TCF12: variants seen among roughly 807,000 people sequenced by gnomAD.
TCF12 encodes DNA-binding protein HTF4.
Under a neutral mutation model 86.0 loss-of-function variants are expected in TCF12, and 45 were observed. That is an observed-to-expected ratio of 0.52 (90% CI 0.41 to 0.67). TCF12 has a LOEUF of 0.67. Ranked by LOEUF, TCF12 falls within the 30% of genes least tolerant of loss-of-function variation. The pLI, the probability that TCF12 is intolerant of heterozygous loss-of-function variation, is 0.00. For missense variants in TCF12, 881 were observed against 859.9 expected (o/e 1.02, Z -0.31); for synonymous variants, 330 against 299.6 (o/e 1.10, Z -1.05).
chr15:57,219,754 C>G (rs1190625884), intron 8 of TCF12, among the ~76,000 whole-genome samples: 2 of 129,588 alleles, frequency 1.5e-5, no homozygotes, highest in African/African-American at 2.8e-5. Flanking sequence ...GGGACGGAGT[C>G]TTGCCCTGTC....
At chr15:57,180,144 T>C (rs2056234764) in intron 6 of TCF12, among the ~76,000 whole-genome samples, 1 of 152,226 alleles carries the variant, frequency 6.6e-6, no homozygotes, top group African/African-American at 2.4e-5. Context: ...TGAAATGTGT[T>C]AGTTTTTTTA....
chr15:56,965,774 A>G (rs540906633), intron 3 of TCF12, among the ~76,000 whole-genome samples: 1 of 152,248 alleles, frequency 6.6e-6, no homozygotes, highest in Admixed American at 6.5e-5. Context: ...TTATTCTCTT[A>G]TTGCAAGTCG....
At chr15:57,205,342 C>T (rs2057759554) in intron 8 of TCF12, among the ~76,000 whole-genome samples, 1 of 152,128 alleles carries the variant, frequency 6.6e-6, no homozygotes, top group African/African-American at 2.4e-5. Context: ...ATCCAAGGCC[C>T]TTAAGACTAG....
At chr15:57,041,970 C>T (rs1430470898) in intron 3 of TCF12, among the ~76,000 whole-genome samples, 1 of 152,090 alleles carries the variant, frequency 6.6e-6, no homozygotes, top group Non-Finnish European at 1.5e-5. Context: ...TTTCCCTAAG[C>T]CTTGGATTGG....
intron 18 of TCF12, 25 bp from the exon 19 acceptor site, chr15:57,273,005 A>G (rs1361921133): frequency 6.2e-7 from 1 of 1,604,480 alleles, no homozygotes; most frequent in African/African-American, 1.3e-5. Context: ...AACCTAATAG[A>G]CCTTGTTGTT....
chr15:57,170,732 TATATA>T (rs1412545524), intron 6 of TCF12, among the ~76,000 whole-genome samples: 17,298 of 27,848 alleles, frequency 0.62, 4,192 homozygotes, highest in Non-Finnish European at 0.65. Context: ...TTATATATTA[TATATA>T]ATATATATTA....
At chr15:57,003,830 A>G (rs2064189843) in intron 3 of TCF12, among the ~76,000 whole-genome samples, 1 of 152,220 alleles carries the variant, frequency 6.6e-6, no homozygotes, top group Non-Finnish European at 1.5e-5. Context: ...GAAGGAAGCT[A>G]GTGTTCTTAT....
chr15:57,111,586 CTTTTTTTTTTT>C (rs1166862090), intron 5 of TCF12, among the ~76,000 whole-genome samples: 1 of 115,470 alleles, frequency 8.7e-6, no homozygotes. Context: ...GTTTGTTTAT[CTTTTTTTTTTT>C]TTTTTTTTTT....
chr15:57,068,322 A>G (rs779162480), intron 4 of TCF12, among the ~76,000 whole-genome samples: 17 of 152,332 alleles, frequency 1.1e-4, no homozygotes, highest in Admixed American at 5.9e-4. Flanking sequence ...GTGTATCTCA[A>G]AATTCACCCA....
At chr15:56,946,292 T>G (rs557530793) in intron 3 of TCF12, among the ~76,000 whole-genome samples, 1 of 152,318 alleles carries the variant, frequency 6.6e-6, no homozygotes, top group South Asian at 2.1e-4. Context: ...AATATTTTCC[T>G]TCTCTTTACA....
At chr15:57,087,961 G>A (rs2048754778) in intron 4 of TCF12, among the ~76,000 whole-genome samples, 1 of 152,136 alleles carries the variant, frequency 6.6e-6, no homozygotes, top group African/African-American at 2.4e-5. Context: ...TTAATTAGGA[G>A]TCCTGGGAGC....
chr15:57,002,071 A>T (rs1191086434), intron 3 of TCF12, among the ~76,000 whole-genome samples: 1 of 152,222 alleles, frequency 6.6e-6, no homozygotes, highest in Non-Finnish European at 1.5e-5. Context: ...TTCTAAATAT[A>T]GTTTTCATTG....
At chr15:57,168,308 A>T (rs2055052489) in intron 6 of TCF12, among the ~76,000 whole-genome samples, 1 of 152,228 alleles carries the variant, frequency 6.6e-6, no homozygotes, top group Non-Finnish European at 1.5e-5. Context: ...AATTGCAGAG[A>T]ACCACAGAAT....
At chr15:56,990,241 CTGTG>C (rs1298995605) in intron 3 of TCF12, among the ~76,000 whole-genome samples, 3 of 122,812 alleles carry the variant, frequency 2.4e-5, no homozygotes, top group Admixed American at 1.9e-4. Context: ...GTGTGTGTGT[CTGTG>C]TGTGCGTGTG....
chr15:57,013,917 G>A (rs1241056414), intron 3 of TCF12, among the ~76,000 whole-genome samples: 6 of 152,156 alleles, frequency 3.9e-5, no homozygotes, highest in African/African-American at 1.4e-4. Flanking sequence ...CTAGCAATTG[G>A]ATACTTGCTT....
At chr15:57,219,477 A>G (rs1045639089) in intron 8 of TCF12, 1 of 1,595,380 alleles carries the variant, frequency 6.3e-7, no homozygotes, top group Non-Finnish European at 8.6e-7. Flanking sequence ...TCTTGGAGAG[A>G]GGCTGTGTGC....
Position 57,287,548 on chromosome 15 carries a change from T to C in TCF12, c.*1403T>C, listed in dbSNP as rs3803452. On this transcript the variant is annotated 3_prime_UTR_variant, in exon 21 of 21. Transcript: ENST00000333725. Reference sequence around the variant, plus strand: ...GAGTTGTTTTAAAAGACATAATCACTTTGAACTTCCATGAAACCTGTCTTC... The same window carrying C: ...GAGTTGTTTTAAAAGACATAATCACCTTGAACTTCCATGAAACCTGTCTTC... 0.051 allele frequency: 7,722 copies of C among 152,702 alleles called. 267 individuals are homozygous for C. Among genetic ancestry groups the C allele is most frequent in the South Asian group, 0.14 (651 of 4,818 alleles). The allele number at this position is 152,702 out of a possible 1,614,324, so 9.5% of individuals were successfully genotyped here.
At chr15:57,051,439 T>C (rs71478614) in intron 3 of TCF12, among the ~76,000 whole-genome samples, 1 of 148,758 alleles carries the variant, frequency 6.7e-6, no homozygotes, top group African/African-American at 2.6e-5. Flanking sequence ...CCAGTCACAT[T>C]GGCATTCTCA....
At chr15:57,211,885 T>G (rs890556438) in intron 8 of TCF12, among the ~76,000 whole-genome samples, 1 of 151,638 alleles carries the variant, frequency 6.6e-6, no homozygotes, top group South Asian at 2.1e-4. Flanking sequence ...GCCCGGGAGG[T>G]GGAGGTTGCA....
Sources: gnomAD v4.1 joint callset for allele counts (sites outside exome capture counted in the v4.1 genomes callset) on GRCh38, gnomAD v4.1.1 for gene constraint, MANE v1.5 for transcripts, NCBI Gene and HGNC (gene_info 2026-07-23, HGNC 2026-07-21) for gene names.